MCCC2: variants seen among roughly 807,000 people sequenced by gnomAD.
MCCC2 encodes the protein methylcrotonyl-CoA carboxylase subunit 2.
In MCCC2, 52 loss-of-function variants were observed where a neutral mutation model predicts 77.2. The observed-to-expected ratio is 0.67, with a 90% confidence interval of 0.54 to 0.85. MCCC2 has a LOEUF of 0.85. Among genes scored for constraint, MCCC2 ranks in the 40% least tolerant of loss-of-function variants. The pLI is 0.00. For synonymous variants in MCCC2, 253 were observed against 248.4 expected (o/e 1.02, Z -0.18); for missense variants, 682 against 703.2 (o/e 0.97, Z 0.34).
chr5:71,591,917 AATTTTTATTCTTTTT>A (rs1261611317), intron 1 of MCCC2, among the ~76,000 whole-genome samples: 4 of 151,808 alleles, frequency 2.6e-5, no homozygotes, highest in South Asian at 2.1e-4. Context: ...ATAATTTTTA[AATTTTTATTCTTTTT>A]ATTTTTATTC....
intron 16 of MCCC2, among the ~76,000 whole-genome samples, chr5:71,655,934 G>C (rs1362588962): frequency 6.6e-6 from 1 of 152,192 alleles, no homozygotes; most frequent in Non-Finnish European, 1.5e-5. Flanking sequence ...ACTGAAGCTG[G>C]CCGGGTGTGG....
chr5:71,635,602 G>A (rs1746888394), intron 10 of MCCC2: 1 of 358,354 alleles, frequency 2.8e-6, no homozygotes, highest in Non-Finnish European at 5.4e-6. Context: ...GGAAATGGGT[G>A]AAATGTCAGT....
In MCCC2 at chr5:71,648,949, T is replaced by C. The variant is rs185287628; in HGVS notation, c.1217-148T>C. 666 of 938,638 alleles carry C rather than the reference T, an allele frequency of 7.1e-4. 5 individuals carry two copies. The African/African-American group carries it at 8.4e-3, about 12-fold the overall frequency. 58.1% of individuals were successfully genotyped at this position (938,638 alleles called of 1,614,324 possible). A position where few individuals can be genotyped will look rare whatever the true frequency, so the allele number is the denominator to read the frequency against. On this transcript the variant is annotated intron_variant, in intron 13 of 16. Transcript: ENST00000340941. ...TTTTATCCTTTTAAAGCAAACTTTT[T>C]AACGGTATGTTTCACATATAAACAT...
chr5:71,611,378 A>G (rs1344314720), intron 6 of MCCC2, among the ~76,000 whole-genome samples: 1 of 152,202 alleles, frequency 6.6e-6, no homozygotes, highest in Admixed American at 6.5e-5. Context: ...CTCCAGCCTG[A>G]GAAACAGAAT....
intron 7 of MCCC2, among the ~76,000 whole-genome samples, chr5:71,627,248 G>T (rs567923462): frequency 1.3e-5 from 2 of 152,110 alleles, no homozygotes; most frequent in African/African-American, 4.8e-5. Flanking sequence ...TCCATCAATC[G>T]ATATTTGGGT....
chr5:71,622,391 C>CCTTT (rs1189270346), intron 6 of MCCC2, among the ~76,000 whole-genome samples: 2 of 152,002 alleles, frequency 1.3e-5, no homozygotes, highest in Middle Eastern at 3.2e-3. Context: ...AATTTTGACT[C>CCTTT]CTTTGTACTT....
chr5:71,592,100 G>A (rs1745006664), intron 1 of MCCC2, among the ~76,000 whole-genome samples: 1 of 152,118 alleles, frequency 6.6e-6, no homozygotes, highest in South Asian at 2.1e-4. Flanking sequence ...AGGATCCTTG[G>A]CCAGGTGCGG....
chr5:71,649,212 C>T lies in MCCC2; in HGVS notation c.1332C>T (p.Ser444=), dbSNP rs530131846. The change falls in exon 14 of 17, where the codon TCC becomes TCT. Residue 444 remains serine (S), a synonymous_variant. Coordinates refer to ENST00000340941, the MANE Select transcript of MCCC2 (RefSeq NM_022132.5). Reference sequence around the variant, plus strand: ...AGATAACCCTCATCATTGGGGGCTCCTATGGAGCCGGAAACTATGGGATGT... The same window carrying T: ...AGATAACCCTCATCATTGGGGGCTCTTATGGAGCCGGAAACTATGGGATGT... The part of the protein sequence containing the change: ...VPKITLIIGG[S]YGAGNYGMCG... The T allele has an allele frequency of 1.9e-6, 3 of 1,614,120 alleles. No individual in the cohort carries two copies. The African/African-American group carries it at 4.0e-5, about 22-fold the overall frequency.
At chr5:71,646,408 T>C (rs1362945827) in intron 13 of MCCC2, 131 bp downstream of exon 13, 3 of 769,034 alleles carry the variant, frequency 3.9e-6, no homozygotes, top group Non-Finnish European at 6.8e-6. Context: ...ATGCTCTTTC[T>C]GGAGGCCCTT....
intron 11 of MCCC2, among the ~76,000 whole-genome samples, chr5:71,643,054 C>G (rs2112458117): frequency 6.7e-6 from 1 of 149,612 alleles, no homozygotes; most frequent in Admixed American, 6.8e-5. Flanking sequence ...TAAACCCAGA[C>G]AAAGCCAGAG....
chr5:71,630,290 AAAAC>A (rs1561839799), intron 7 of MCCC2, among the ~76,000 whole-genome samples: 1 of 152,176 alleles, frequency 6.6e-6, no homozygotes, highest in African/African-American at 2.4e-5. Flanking sequence ...GTAGTTGAAA[AAAAC>A]AGATAGTAAG....
In MCCC2 at chr5:71,642,172, C is replaced by T. The variant is rs146125161; in HGVS notation, c.1072+1097C>T. Among the ~76,000 whole-genome samples the T allele has an allele frequency of 7.4e-5, 11 of 149,046 alleles. No homozygotes were observed. The South Asian group carries it at 1.7e-3, about 23-fold the overall frequency. On this transcript the variant is annotated intron_variant, in intron 11 of 16. Transcript: ENST00000340941. ...TGGTTTCTTCCATCTCTTGACTGTA[C>T]TGGAGTTCAAATACATTTAGGGACA...
chr5:71,621,349 T>A (rs954742673), intron 6 of MCCC2, among the ~76,000 whole-genome samples: 1 of 151,724 alleles, frequency 6.6e-6, no homozygotes, highest in Non-Finnish European at 1.5e-5. Context: ...AAAATAAAAA[T>A]AAAAAAGAAA....
At chr5:71,633,120 TATA>T (rs1746789734) in intron 8 of MCCC2, among the ~76,000 whole-genome samples, 6 of 117,522 alleles carry the variant, frequency 5.1e-5, no homozygotes, top group African/African-American at 9.7e-5. Flanking sequence ...TATATATATA[TATA>T]TATATATATT....
Position 71,656,800 on chromosome 5 carries a change from T to G in MCCC2, c.1632T>G (p.Ser544Arg). Residue 544 changes from serine to arginine, a missense_variant, in exon 17 of 17, where the codon AGT becomes AGG. Coordinates refer to ENST00000340941, the MANE Select transcript of MCCC2 (RefSeq NM_022132.5). ...PADTRLVLGLSFSAALNAPIE... is the reference protein window; with the variant it reads ...PADTRLVLGLRFSAALNAPIE... ...ACACCAGACTGGTCTTGGGTCTCAG[T>G]TTTAGTGCAGCCCTCAACGCACCAA... The G allele has an allele frequency of 1.2e-6, 2 of 1,614,158 alleles. No individual in the cohort carries two copies. Among genetic ancestry groups the G allele is most frequent in the South Asian group, 2.2e-5 (2 of 91,084 alleles).
chr5:71,592,877 A>C, intron 1 of MCCC2, 49 bp from the exon 2 acceptor site: 1 of 1,256,944 alleles, frequency 8.0e-7, no homozygotes, highest in Non-Finnish European at 1.2e-6. Flanking sequence ...GGTAAAAAGG[A>C]ATTGCTTTCT....
chr5:71,607,253 C>A (rs1443072480), intron 6 of MCCC2, among the ~76,000 whole-genome samples: 2 of 151,974 alleles, frequency 1.3e-5, no homozygotes, highest in African/African-American at 4.8e-5. Flanking sequence ...ACAATTTCAG[C>A]TCCTGTTATT....
Position 71,640,857 on chromosome 5 carries a change from A to G in MCCC2, c.1000-146A>G. ...TTCAGGGCATTAACCAGGCATGTCA[A>G]ATGAAATTCTAGTGAGATTTTCTGT... On this transcript the variant is annotated intron_variant, in intron 10 of 16. Coordinates refer to ENST00000340941, the MANE Select transcript of MCCC2 (RefSeq NM_022132.5). 3 of 735,288 alleles carry G rather than the reference A, an allele frequency of 4.1e-6. No homozygotes were observed. In the South Asian group the frequency reaches 4.5e-5, roughly 11 times the overall value. The allele number at this position is 735,288 out of a possible 1,614,324, so 45.5% of individuals were successfully genotyped here.
intron 6 of MCCC2, among the ~76,000 whole-genome samples, chr5:71,617,345 T>A (rs1447329647): frequency 1.3e-5 from 2 of 152,212 alleles, no homozygotes; most frequent in African/African-American, 4.8e-5. Context: ...CTAGCTCCCA[T>A]AGTTCTTGTA....
Sources: gnomAD v4.1 joint callset for allele counts (sites outside exome capture counted in the v4.1 genomes callset) on GRCh38, gnomAD v4.1.1 for gene constraint, MANE v1.5 for transcripts, NCBI Gene and HGNC (gene_info 2026-07-23, HGNC 2026-07-21) for gene names.